Variants in ASIC1 observed in about 807,000 individuals in gnomAD.
ASIC1 encodes acid-sensing ion channel 1.
In ASIC1, 21 loss-of-function variants were observed where a neutral mutation model predicts 63.4. That is an observed-to-expected ratio of 0.33 (90% CI 0.23 to 0.48). The LOEUF (loss-of-function observed/expected upper bound fraction) is 0.48. Ranked by LOEUF, ASIC1 falls within the 20% of genes least tolerant of loss-of-function variation. The pLI, the probability that ASIC1 is intolerant of heterozygous loss-of-function variation, is 0.99. For synonymous variants in ASIC1, 258 were observed against 278.2 expected, an observed-to-expected ratio of 0.93 and a Z score of 0.72; for missense variants, 478 against 695.5, an observed-to-expected ratio of 0.69 and a Z score of 3.52.
chr12:50,080,838 A>C, intron 9 of ASIC1: 2 of 971,142 alleles, frequency 2.1e-6, no homozygotes, highest in Non-Finnish European at 3.1e-6. Flanking sequence ...AGACTATTTC[A>C]TATGCCCCTA....
In ASIC1 at chr12:50,059,091, T is replaced by C. The variant is rs1950475426; in HGVS notation, c.325T>C (p.Tyr109His). 1 of 1,613,950 alleles carries C rather than the reference T, an allele frequency of 6.2e-7. No homozygotes were observed. The highest frequency in any genetic ancestry group is 8.5e-7 in the Non-Finnish European group (1 of 1,180,018). The change falls in exon 2 of 12, where the codon TAT becomes CAT. Residue 109 changes from tyrosine to histidine, a missense_variant. Physicochemically the swap from Tyr to His is moderately conservative, Grantham distance 83 (BLOSUM62 2). Transcript: ENST00000447966. This position sits in a 1 kb window ranked among gnomAD's most constrained non-coding sequence, Gnocchi z 4.6. Reference sequence around the variant, plus strand: ...TAGCCAAGTCTCCAAGAATGACCTGTATCATGCTGGGGAGCTGCTGGCCCT... The same window carrying C: ...TAGCCAAGTCTCCAAGAATGACCTGCATCATGCTGGGGAGCTGCTGGCCCT... ...RFSQVSKNDL[Y>H]HAGELLALLN...
In ASIC1 at chr12:50,078,443, G is replaced by T; in HGVS notation, c.860G>T (p.Trp287Leu). The change falls in exon 6 of 12, where the codon TGG becomes TTG. Residue 287 changes from tryptophan to leucine, a missense_variant. Around this residue, in one of 3 missense-constraint regions of ASIC1, gnomAD observed 290 missense variants for 414.9 expected, o/e 0.70. Transcript: ENST00000447966. This position sits in a 1 kb window ranked among gnomAD's most constrained non-coding sequence, Gnocchi z 6.0. ...EQRLIYLPPP[W>L]GTCKAVTMDS... ...CAGCTCATCTACCTGCCCCCACCCT[G>T]GGGCACCTGCAAAGCTGTTACCATG... 1 of 1,613,968 alleles carries T rather than the reference G, an allele frequency of 6.2e-7. No individual in the cohort carries two copies. Among genetic ancestry groups the T allele is most frequent in the Non-Finnish European group, 8.5e-7 (1 of 1,179,962 alleles).
chr12:50,066,548 T>A (rs567564067), intron 3 of ASIC1, among the ~76,000 whole-genome samples: 1 of 152,294 alleles, frequency 6.6e-6, no homozygotes, highest in East Asian at 1.9e-4. Context: ...AACCCACCAC[T>A]GGCTTTCCCC....
At position 50,062,903 on chromosome 12, in the gene ASIC1, G is replaced by A. The variant is rs887887140; in HGVS notation, c.558+2949G>A. 2.0e-5 allele frequency among the ~76,000 whole-genome samples: 3 copies of A among 152,334 alleles called. No individual in the cohort carries two copies. In the East Asian group the frequency reaches 5.8e-4, roughly 29 times the overall value. ...GGTGTGGCTGAGTCAGCTTGGGAGG[G>A]TGGGGGTGAATATGGGGAGCCTGAG... On this transcript the variant is annotated intron_variant, in intron 3 of 11. Coordinates refer to ENST00000447966, the MANE Select transcript of ASIC1 (RefSeq NM_001095.4).
chr12:50,064,708 G>A (rs1303004754), intron 3 of ASIC1, among the ~76,000 whole-genome samples: 2 of 152,248 alleles, frequency 1.3e-5, no homozygotes, highest in African/African-American at 4.8e-5. Flanking sequence ...GGCCCACAGA[G>A]AGGCTTGGAA....
At chr12:50,072,464 C>T (rs1012804352) in intron 3 of ASIC1, among the ~76,000 whole-genome samples, 5 of 151,782 alleles carry the variant, frequency 3.3e-5, no homozygotes, top group African/African-American at 7.3e-5. Context: ...GGTAAATTAG[C>T]GGTAGGGGAG....
chr12:50,073,944 GA>G, intron 3 of ASIC1: 2 of 1,535,886 alleles, frequency 1.3e-6, no homozygotes, highest in South Asian at 2.4e-5. Flanking sequence ...ACCCACACGT[GA>G]CCCTTCTAAA....
rs184508285 is a variant in ASIC1, at chr12:50,069,325, G to A, written c.559-7888G>A. Among the ~76,000 whole-genome samples the A allele has an allele frequency of 5.5e-4, 82 of 149,792 alleles. 1 individual carries two copies. The highest frequency in any genetic ancestry group is 1.8e-3 in the African/African-American group (72 of 40,552). Reference sequence around the variant, plus strand: ...ATTTATTTTTTTGAGACAGAATCTCGTTCTATTGCCTGGGCTGGAGTGCAG... The same window carrying A: ...ATTTATTTTTTTGAGACAGAATCTCATTCTATTGCCTGGGCTGGAGTGCAG... On this transcript the variant is annotated intron_variant, in intron 3 of 11. Transcript: ENST00000447966.
intron 9 of ASIC1, 70 bp from the exon 10 acceptor site, chr12:50,081,032 A>C (rs1045283820): frequency 5.9e-6 from 8 of 1,364,724 alleles, no homozygotes; most frequent in Non-Finnish European, 7.1e-6. Flanking sequence ...TGCCTGCCCC[A>C]GTCCCAGTAA....
At chr12:50,068,543 A>G (rs1351765458) in intron 3 of ASIC1, among the ~76,000 whole-genome samples, 6 of 151,982 alleles carry the variant, frequency 3.9e-5, no homozygotes, top group Admixed American at 3.9e-4. Flanking sequence ...CTACACACTG[A>G]CAACTGCCAA....
At chr12:50,068,914 G>A (rs1237000710) in intron 3 of ASIC1, among the ~76,000 whole-genome samples, 4 of 152,092 alleles carry the variant, frequency 2.6e-5, no homozygotes, top group African/African-American at 9.7e-5. Flanking sequence ...CCTTCCAGCA[G>A]CCCTTCTATA....
rs367676093 is a variant in ASIC1 at position 50,069,689 on chromosome 12, C to G, written c.559-7524C>G. On this transcript the variant is annotated intron_variant, in intron 3 of 11. Coordinates refer to ENST00000447966, the MANE Select transcript of ASIC1 (RefSeq NM_001095.4). ...GGGGCAAGTCCCTCTGTCATTCACT[C>G]TGATAGAGTCATTTTTTTTTTTCAT... is the stretch of plus-strand genomic sequence containing the variant. Among the ~76,000 whole-genome samples, 7 of 151,450 alleles carry G rather than the reference C, an allele frequency of 4.6e-5. No homozygotes were observed. In the East Asian group the frequency reaches 1.2e-3, roughly 25 times the overall value.
At position 50,074,326 on chromosome 12, in the gene ASIC1, G is replaced by T; in HGVS notation, c.559-2887G>T. The T allele has an allele frequency of 7.0e-7, 1 of 1,425,180 alleles. No individual in the cohort carries two copies. The highest frequency in any genetic ancestry group is 9.1e-7 in the Non-Finnish European group (1 of 1,093,148). 88.3% of individuals were successfully genotyped at this position (1,425,180 alleles called of 1,614,324 possible). A position where few individuals can be genotyped will look rare whatever the true frequency, so the allele number is the denominator to read the frequency against. On this transcript the variant is annotated intron_variant, in intron 3 of 11. Transcript: ENST00000447966. This position sits in a 1 kb window ranked among gnomAD's most constrained non-coding sequence, Gnocchi z 4.2. ...CTGACTGTCACCTCCTGGGGTTGGG[G>T]CTGGGGCTGGGGCTGGGGCTGATGA...
intron 3 of ASIC1, among the ~76,000 whole-genome samples, chr12:50,062,084 C>A (rs1018870552): frequency 6.6e-6 from 1 of 152,188 alleles, no homozygotes; most frequent in African/African-American, 2.4e-5. Context: ...CCTCTGCTCT[C>A]TTCAGTTGGT....
At position 50,059,103 on chromosome 12, in the gene ASIC1, G is replaced by A. The variant is rs775264675; in HGVS notation, c.337G>A (p.Glu113Lys). The A allele has an allele frequency of 6.2e-6, 10 of 1,613,812 alleles. No individual in the cohort carries two copies. Among genetic ancestry groups the A allele is most frequent in the Non-Finnish European group, 8.5e-6 (10 of 1,179,962 alleles). The stretch of plus-strand genomic sequence containing the variant: ...CAAGAATGACCTGTATCATGCTGGG[G>A]AGCTGCTGGCCCTGCTCAACAACAG... ...VSKNDLYHAG[E>K]LLALLNNRYE... is the part of the protein sequence containing the mutation. Residue 113 changes from glutamate to lysine, a missense_variant, in exon 2 of 12, where the codon GAG becomes AAG. Physicochemically the swap from Glu to Lys is moderately conservative, Grantham distance 56. Coordinates refer to ENST00000447966, the MANE Select transcript of ASIC1 (RefSeq NM_001095.4). This position sits in a 1 kb window ranked among gnomAD's most constrained non-coding sequence, Gnocchi z 4.6.
chr12:50,066,993 A>G (rs996018612), intron 3 of ASIC1, among the ~76,000 whole-genome samples: 3 of 152,164 alleles, frequency 2.0e-5, no homozygotes, highest in African/African-American at 4.8e-5. Flanking sequence ...TTCTCAAGTG[A>G]AACCCCATTG....
At chr12:50,058,175 C>A (rs1950464692) in intron 1 of ASIC1, among the ~76,000 whole-genome samples, 1 of 152,158 alleles carries the variant, frequency 6.6e-6, no homozygotes, top group Non-Finnish European at 1.5e-5. Context: ...CCCCCACTCC[C>A]AACATACACA....
chr12:50,080,102 G>T, intron 8 of ASIC1, 47 bp downstream of exon 8: 1 of 1,564,142 alleles, frequency 6.4e-7, no homozygotes, highest in Non-Finnish European at 8.6e-7. Context: ...TTGGGACTGT[G>T]GAATGGATGA....
chr12:50,074,512 C>A lies in ASIC1; in HGVS notation c.559-2701C>A, dbSNP rs1335907043. On this transcript the variant is annotated intron_variant, in intron 3 of 11. Coordinates refer to ENST00000447966, the MANE Select transcript of ASIC1 (RefSeq NM_001095.4). The surrounding 1 kb of genome is among the most constrained non-coding windows in gnomAD (Gnocchi z 4.2). ...TAGTTGGTATTTTGCTGCTGCCTCCCAACATGTCCTCCAGCTTTACCTGCC... is the reference window on the plus strand; with the variant it reads ...TAGTTGGTATTTTGCTGCTGCCTCCAAACATGTCCTCCAGCTTTACCTGCC... 6.6e-6 allele frequency among the ~76,000 whole-genome samples: 1 copy of A among 152,216 alleles called. No homozygotes were observed. The highest frequency in any genetic ancestry group is 1.9e-4 in the East Asian group (1 of 5,196).
Sources: gnomAD v4.1 joint callset for allele counts (sites outside exome capture counted in the v4.1 genomes callset) on GRCh38, gnomAD v4.1.1 for gene constraint, gnomAD v4.1.1 regional missense constraint, Gnocchi (gnomAD v3.1) non-coding constraint, MANE v1.5 for transcripts, NCBI Gene and HGNC (gene_info 2026-07-23, HGNC 2026-07-21) for gene names.